The following CELSR1 variants were observed in gnomAD, a reference collection of about 807,000 sequenced individuals.
CELSR1 encodes the protein adhesion G protein-coupled receptor C1.
A neutral mutation model predicts 249.1 loss-of-function variants in CELSR1; 110 were observed. The ratio of observed to expected loss-of-function variants is 0.44; its 90% CI spans 0.38 to 0.52. CELSR1 has a LOEUF of 0.52. Ranked by LOEUF, CELSR1 falls within the 20% of genes least tolerant of loss-of-function variation. The probability of loss-of-function intolerance (pLI) is 0.00; values close to 1 mark genes in which losing one functional copy is unlikely to be tolerated. For synonymous variants in CELSR1, 2,113 were observed against 1,900.0 expected, an observed-to-expected ratio of 1.11 and a Z score of -2.92; for missense variants, 4,109 against 4,296.4, an observed-to-expected ratio of 0.96 and a Z score of 1.22.
chr22:46,438,600 C>T (rs2079695985), intron 3 of CELSR1, among the ~76,000 whole-genome samples: 1 of 152,210 alleles, frequency 6.6e-6, no homozygotes, highest in African/African-American at 2.4e-5. Flanking sequence ...CATACAGAAT[C>T]TGACAAGCAG....
rs1602085504 is a variant in CELSR1, at chr22:46,402,850, C to T, written c.5227-2948G>A. 6.6e-6 allele frequency among the ~76,000 whole-genome samples: 1 copy of T among 152,242 alleles called. No individual in the cohort carries two copies. ...CTAAGATGCTCATATTTAAAGATAA[C>T]TTCAAAAAATAGCCTAGATTTTAGA... On this transcript the variant is annotated intron_variant, in intron 9 of 34. Coordinates refer to ENST00000674500, the MANE Select transcript of CELSR1 (RefSeq NM_001378328.1). The surrounding 1 kb of genome is among the most constrained non-coding windows in gnomAD (Gnocchi z 5.0).
At chr22:46,502,604 G>A (rs373681934) in intron 1 of CELSR1, among the ~76,000 whole-genome samples, 183 of 152,194 alleles carry the variant, frequency 1.2e-3, no homozygotes, top group African/African-American at 4.0e-3. Flanking sequence ...TGACTCTTCC[G>A]AAGCCCCAGT....
chr22:46,475,063 G>A (rs1039700256), intron 1 of CELSR1, among the ~76,000 whole-genome samples: 13 of 152,014 alleles, frequency 8.6e-5, no homozygotes, highest in South Asian at 2.1e-4. Context: ...TTATCTTGCC[G>A]CATTATTCTG....
In CELSR1 at chr22:46,446,266, C is replaced by A. The variant is rs1175206338; in HGVS notation, c.4184-6855G>T. ...CCTCTCTCTTAGTCTCTGCATGTGG[C>A]TTTCCAGTGCCTGGAGGCCACCCGC... On this transcript the variant is annotated intron_variant, in intron 2 of 34. Coordinates refer to ENST00000674500, the MANE Select transcript of CELSR1 (RefSeq NM_001378328.1). The surrounding 1 kb of genome is among the most constrained non-coding windows in gnomAD (Gnocchi z 5.5). Among the ~76,000 whole-genome samples the A allele has an allele frequency of 6.6e-6, 1 of 152,210 alleles. No individual in the cohort carries two copies. Among genetic ancestry groups the A allele is most frequent in the Non-Finnish European group, 1.5e-5 (1 of 68,038 alleles).
intron 18 of CELSR1, 31 bp downstream of exon 18, chr22:46,389,259 C>A: frequency 6.3e-7 from 1 of 1,598,626 alleles, no homozygotes; most frequent in Non-Finnish European, 8.5e-7. Context: ...CCCCGAGTGT[C>A]CCCGAGCCAG....
chr22:46,366,604 C>G lies in CELSR1; in HGVS notation c.8206-124G>C, dbSNP rs893265652. Reference sequence around the variant, plus strand: ...ACCCTGGCTGGGCCCCTGCCTGGCACACAGGAGGAGCTGGCCCCAAGCAGT... The same window carrying G: ...ACCCTGGCTGGGCCCCTGCCTGGCAGACAGGAGGAGCTGGCCCCAAGCAGT... On this transcript the variant is annotated intron_variant, in intron 29 of 34. Transcript: ENST00000674500. 4 of 784,756 alleles carry G rather than the reference C, an allele frequency of 5.1e-6. No individual in the cohort carries two copies. In the South Asian group the frequency reaches 6.5e-5, roughly 13 times the overall value. The allele number at this position is 784,756 out of a possible 1,614,324, so 48.6% of individuals were successfully genotyped here.
At chr22:46,510,754 C>G (rs2080565056) in intron 1 of CELSR1, among the ~76,000 whole-genome samples, 2 of 152,072 alleles carry the variant, frequency 1.3e-5, no homozygotes, top group African/African-American at 4.8e-5. Flanking sequence ...GTGAACAAAC[C>G]AAAAATATTC....
In CELSR1 at chr22:46,401,707, AG is replaced by A. The variant is rs2075140407; in HGVS notation, c.5227-1806del. 6.6e-6 allele frequency among the ~76,000 whole-genome samples: 1 copy of A among 152,198 alleles called. No homozygotes were observed. Among genetic ancestry groups the A allele is most frequent in the Admixed American group, 6.5e-5 (1 of 15,280 alleles). On this transcript the variant is annotated intron_variant, in intron 9 of 34. Coordinates refer to ENST00000674500, the MANE Select transcript of CELSR1 (RefSeq NM_001378328.1). The surrounding 1 kb of genome is among the most constrained non-coding windows in gnomAD (Gnocchi z 4.7). ...AAAAACTGGGGTTCATGGACTGCCA[AG>A]GGTTGTTCCTTGGCTTCTGGTTGGA...
intron 1 of CELSR1, among the ~76,000 whole-genome samples, chr22:46,510,882 A>C (rs2080566265): frequency 6.6e-6 from 1 of 152,178 alleles, no homozygotes; most frequent in Non-Finnish European, 1.5e-5. Context: ...CAGGAGGCCC[A>C]GGCGGGTAGA....
Position 46,536,902 on chromosome 22 carries a change from A to G in CELSR1, c.269T>C (p.Val90Ala). ...CGGGGCACTGCGGGCCACCAAGCGG[A>G]CTTGCAGCGGCAGCGGGCGCCCCGC... The part of the protein sequence containing the change: ...SGAGRPLPLQ[V>A]RLVARSAPTA... Residue 90 changes from valine (V) to alanine (A), a missense_variant, in exon 1 of 35, where the codon GTC becomes GCC. Val to Ala is a moderately conservative substitution (Grantham distance 64). Around this residue, in one of 7 missense-constraint regions of CELSR1, gnomAD observed 673 missense variants for 636.8 expected, o/e 1.06. Coordinates refer to ENST00000674500, the MANE Select transcript of CELSR1 (RefSeq NM_001378328.1). The G allele has an allele frequency of 1.7e-6, 2 of 1,204,162 alleles. No individual in the cohort carries two copies. The highest frequency in any genetic ancestry group is 2.1e-6 in the Non-Finnish European group (2 of 967,780). 74.6% of individuals were successfully genotyped at this position (1,204,162 alleles called of 1,614,324 possible).
intron 1 of CELSR1, among the ~76,000 whole-genome samples, chr22:46,528,386 G>C (rs1489482834): frequency 2.0e-5 from 3 of 152,124 alleles, no homozygotes; most frequent in Non-Finnish European, 4.4e-5. Flanking sequence ...TGACATGCCT[G>C]AATGACTCAT....
chr22:46,394,004 T>A, intron 14 of CELSR1, 138 bp downstream of exon 14: 2 of 1,128,586 alleles, frequency 1.8e-6, no homozygotes, highest in Non-Finnish European at 2.5e-6. Flanking sequence ...ACAAATGTGA[T>A]GTGAGTGGGC....
chr22:46,386,188 T>G (rs1376394476), intron 19 of CELSR1, among the ~76,000 whole-genome samples: 1 of 152,172 alleles, frequency 6.6e-6, no homozygotes, highest in Admixed American at 6.5e-5. Flanking sequence ...CAGGCTGGTC[T>G]CCAACTCCTG....
intron 1 of CELSR1, among the ~76,000 whole-genome samples, chr22:46,467,166 G>A (rs1394778360): frequency 6.6e-6 from 1 of 152,156 alleles, no homozygotes; most frequent in Non-Finnish European, 1.5e-5. Context: ...AAATGTGAAC[G>A]TAAGTTAACA....
At position 46,364,535 on chromosome 22, in the gene CELSR1, C is replaced by G. The variant is rs777856101; in HGVS notation, c.8756G>C (p.Ser2919Thr). The change falls in exon 33 of 35, where the codon AGC (serine) becomes ACC (threonine). Residue 2919 changes from serine to threonine, a missense_variant. By Grantham distance (58) the Ser-to-Thr change is moderately conservative. This residue lies in a region of CELSR1 where 1,805 missense variants were observed against 1,831.6 expected (regional missense o/e 0.99). Coordinates refer to ENST00000674500, the MANE Select transcript of CELSR1 (RefSeq NM_001378328.1). ...ACCTTTCCTCTGCTCTGGGGGCTGG[C>G]TGCTAGCAAGCCTGGCTGCGCCCCC... ...ESGGAARLAS[S>T]QPPEQRKGIL... 1.2e-6 allele frequency: 2 copies of G among 1,611,426 alleles called. No homozygotes were observed. The highest frequency in any genetic ancestry group is 1.7e-5 in the Admixed American group (1 of 60,006).
chr22:46,518,686 A>G lies in CELSR1; in HGVS notation c.3544+14941T>C, dbSNP rs1157883227. ...GAGTGTGGCTGCGGTCTCTGCCTCCATCTTCACGTTGTGGCCTCCTCATTG... is the reference window on the plus strand; with the variant it reads ...GAGTGTGGCTGCGGTCTCTGCCTCCGTCTTCACGTTGTGGCCTCCTCATTG... On this transcript the variant is annotated intron_variant, in intron 1 of 34. Transcript: ENST00000674500. The surrounding 1 kb of genome is among the most constrained non-coding windows in gnomAD (Gnocchi z 5.2). Among the ~76,000 whole-genome samples, 2 of 152,270 alleles carry G rather than the reference A, an allele frequency of 1.3e-5. No homozygotes were observed. Among genetic ancestry groups the G allele is most frequent in the South Asian group, 2.1e-4 (1 of 4,822 alleles).
rs1340789649 is a variant in CELSR1 at position 46,440,238 on chromosome 22, G to A, written c.4184-827C>T. Among the ~76,000 whole-genome samples the A allele has an allele frequency of 2.0e-5, 3 of 152,168 alleles. 1 individual carries two copies. Among genetic ancestry groups the A allele is most frequent in the Non-Finnish European group, 2.9e-5 (2 of 68,042 alleles). ...GCTTCGACCCAGTTGTTCCTGGACTGGCCGCTGCATCCTCCAGCAACCAGG... is the reference window on the plus strand; with the variant it reads ...GCTTCGACCCAGTTGTTCCTGGACTAGCCGCTGCATCCTCCAGCAACCAGG... On this transcript the variant is annotated intron_variant, in intron 2 of 34. Transcript: ENST00000674500. This position sits in a 1 kb window ranked among gnomAD's most constrained non-coding sequence, Gnocchi z 4.7.
rs2080583202 is a variant in CELSR1 at position 46,512,434 on chromosome 22, T to C, written c.3544+21193A>G. ...AAAATACAAAAAAATTAGCCCGGTG[T>C]GGTGGTGTACACCTATAATCCCAGC... On this transcript the variant is annotated intron_variant, in intron 1 of 34. Transcript: ENST00000674500. This position sits in a 1 kb window ranked among gnomAD's most constrained non-coding sequence, Gnocchi z 5.2. 6.6e-6 allele frequency among the ~76,000 whole-genome samples: 1 copy of C among 152,134 alleles called. No individual in the cohort carries two copies. Among genetic ancestry groups the C allele is most frequent in the Non-Finnish European group, 1.5e-5 (1 of 68,016 alleles).
In CELSR1 at chr22:46,429,696, G is replaced by A. The variant is rs1408659117; in HGVS notation, c.4611+3697C>T. Among the ~76,000 whole-genome samples the A allele has an allele frequency of 6.6e-6, 1 of 152,244 alleles. No homozygotes were observed. Among genetic ancestry groups the A allele is most frequent in the East Asian group, 1.9e-4 (1 of 5,198 alleles). ...GGCTTTGGCCAGTGGGGAGCCAGAC[G>A]GGAGGATAGAGTGAGGGAGGGGAGG... On this transcript the variant is annotated intron_variant, in intron 5 of 34. Coordinates refer to ENST00000674500, the MANE Select transcript of CELSR1 (RefSeq NM_001378328.1). The surrounding 1 kb of genome is among the most constrained non-coding windows in gnomAD (Gnocchi z 4.1).
Sources: allele counts gnomAD v4.1 joint callset (sites outside exome capture counted in the v4.1 genomes callset), GRCh38; gene constraint gnomAD v4.1.1; regional missense constraint gnomAD v4.1.1; non-coding constraint Gnocchi (gnomAD v3.1); transcripts MANE v1.5; gene names NCBI Gene and HGNC (gene_info 2026-07-23, HGNC 2026-07-21).